Variants in ZFP91 observed in about 807,000 individuals in gnomAD.
ZFP91 encodes the protein E3 ubiquitin-protein ligase ZFP91.
Under a neutral mutation model 63.5 loss-of-function variants are expected in ZFP91, and 7 were observed. The observed-to-expected ratio is 0.11, with a 90% CI of 0.06 to 0.21. The LOEUF (loss-of-function observed/expected upper bound fraction) is 0.21, where lower values mean the gene tolerates loss of function less well. Ranked by LOEUF, ZFP91 falls within the 10% of genes least tolerant of loss-of-function variation. ZFP91 has a pLI of 1.00. For synonymous variants in ZFP91, 330 were observed against 272.1 expected (o/e 1.21, Z -2.10); for missense variants, 628 against 736.6 (o/e 0.85, Z 1.71).
chr11:58,593,765 A>C (rs543092537), intron 2 of ZFP91, among the ~76,000 whole-genome samples: 20 of 152,318 alleles, frequency 1.3e-4, no homozygotes, highest in South Asian at 4.1e-4. Flanking sequence ...TATTCTCTCT[A>C]GTGTCTCTTC....
chr11:58,608,955 T>G (rs1427485283), intron 2 of ZFP91, among the ~76,000 whole-genome samples: 1 of 152,206 alleles, frequency 6.6e-6, no homozygotes, highest in Non-Finnish European at 1.5e-5. Flanking sequence ...TGGTTGATTT[T>G]TGCCATGAGG....
At position 58,579,147 on chromosome 11, in the gene ZFP91, G is replaced by T. The variant is rs1855029367; in HGVS notation, c.-135G>T. ...GGCGCCCTCGGAGCCGGGCGGAGGGGAGGGGGGAAAGAGGAGCGCAGGGTG... is the reference window on the plus strand; with the variant it reads ...GGCGCCCTCGGAGCCGGGCGGAGGGTAGGGGGGAAAGAGGAGCGCAGGGTG... On this transcript the variant is annotated 5_prime_UTR_variant, in exon 1 of 11. Transcript: ENST00000316059. 1.4e-6 allele frequency: 1 copy of T among 704,534 alleles called. No homozygotes were observed. The highest frequency in any genetic ancestry group is 2.0e-6 in the Non-Finnish European group (1 of 492,418). 43.6% of individuals were successfully genotyped at this position (704,534 alleles called of 1,614,324 possible).
chr11:58,612,459 T>C, intron 7 of ZFP91, 131 bp downstream of exon 7: 1 of 794,226 alleles, frequency 1.3e-6, no homozygotes. Context: ...TTCACTAATG[T>C]CCTAGATGCA....
In ZFP91 at chr11:58,614,202, TCGCCCCTTTCAC is replaced by T. The variant is rs1590630221; in HGVS notation, c.988-26_988-15del. The T allele has an allele frequency of 6.8e-7, 1 of 1,477,242 alleles. No homozygotes were observed. The highest frequency in any genetic ancestry group is 9.2e-7 in the Non-Finnish European group (1 of 1,086,730). The allele number at this position is 1,477,242 out of a possible 1,614,324, so 91.5% of individuals were successfully genotyped here. ...TCAGGAAGCCTTAATTTTTTTTTTT[TCGCCCCTTTCAC>T]TTTCTCTGTTTTAGCACCACATTAA... On this transcript the variant is annotated splice_polypyrimidine_tract_variant and intron_variant, in intron 8 of 10. Coordinates refer to ENST00000316059, the MANE Select transcript of ZFP91 (RefSeq NM_053023.5).
intron 2 of ZFP91, among the ~76,000 whole-genome samples, chr11:58,596,252 A>G (rs939024424): frequency 6.6e-6 from 1 of 152,132 alleles, no homozygotes; most frequent in East Asian, 1.9e-4. Flanking sequence ...TGAGTAGGCT[A>G]AGGAGGAGGA....
chr11:58,611,123 A>C, intron 5 of ZFP91, 69 bp downstream of exon 5: 3 of 1,403,276 alleles, frequency 2.1e-6, no homozygotes, highest in Non-Finnish European at 3.0e-6. Flanking sequence ...GCATGCTTTT[A>C]TTTTATCTGT....
chr11:58,601,873 A>G (rs934258280), intron 2 of ZFP91, among the ~76,000 whole-genome samples: 5 of 152,166 alleles, frequency 3.3e-5, no homozygotes, highest in African/African-American at 1.2e-4. Flanking sequence ...AACGTACTTT[A>G]TATGACTGCA....
At chr11:58,612,438 A>C in intron 7 of ZFP91, 110 bp downstream of exon 7, 1 of 1,059,766 alleles carries the variant, frequency 9.4e-7, no homozygotes, top group Non-Finnish European at 1.4e-6. Context: ...TAAAAATTTC[A>C]CAAAAGCAAC....
In ZFP91 at chr11:58,621,134, G is replaced by A. The variant is rs1182332606; in HGVS notation, c.*3428G>A. On this transcript the variant is annotated 3_prime_UTR_variant, in exon 11 of 11. Coordinates refer to ENST00000316059, the MANE Select transcript of ZFP91 (RefSeq NM_053023.5). ...AGCAAACCAAATGCCCTCAGAACAG[G>A]TGTTATGTGGGGCATACTATTGTTT... 6.6e-6 allele frequency: 1 copy of A among 152,574 alleles called. No individual in the cohort carries two copies. The highest frequency in any genetic ancestry group is 1.5e-5 in the Non-Finnish European group (1 of 68,026). The allele number at this position is 152,574 out of a possible 1,614,324, so 9.5% of individuals were successfully genotyped here.
At chr11:58,581,370 T>G (rs972123825) in intron 1 of ZFP91, among the ~76,000 whole-genome samples, 1 of 152,230 alleles carries the variant, frequency 6.6e-6, no homozygotes, top group Admixed American at 6.5e-5. Flanking sequence ...TTTAATTTCT[T>G]TTTTTGGAGA....
At chr11:58,599,503 A>G (rs1414985886) in intron 2 of ZFP91, among the ~76,000 whole-genome samples, 1 of 151,620 alleles carries the variant, frequency 6.6e-6, no homozygotes, top group Non-Finnish European at 1.5e-5. Context: ...AACACTTCTT[A>G]TTTTCTTTTT....
At chr11:58,595,881 TA>T (rs1855389859) in intron 2 of ZFP91, among the ~76,000 whole-genome samples, 3 of 152,122 alleles carry the variant, frequency 2.0e-5, no homozygotes, top group African/African-American at 7.2e-5. Flanking sequence ...GGCCTAGCAT[TA>T]ATCTCTTATT....
At chr11:58,589,576 G>A (rs1038438854) in intron 2 of ZFP91, among the ~76,000 whole-genome samples, 1 of 152,166 alleles carries the variant, frequency 6.6e-6, no homozygotes, top group Admixed American at 6.5e-5. Context: ...GTTCAGTTAG[G>A]TTTCAGAAAC....
intron 10 of ZFP91, 88 bp downstream of exon 10, chr11:58,616,903 A>G (rs1250212209): frequency 4.2e-6 from 5 of 1,204,404 alleles, no homozygotes; most frequent in Non-Finnish European, 6.0e-6. Context: ...ATTAGTTGCC[A>G]CTGCTGTTTA....
chr11:58,586,021 G>T (rs1855202958), intron 2 of ZFP91, among the ~76,000 whole-genome samples: 1 of 151,598 alleles, frequency 6.6e-6, no homozygotes, highest in African/African-American at 2.4e-5. Flanking sequence ...AGAAACCTTG[G>T]CATGATTATT....
intron 2 of ZFP91, among the ~76,000 whole-genome samples, chr11:58,598,942 A>G (rs964526203): frequency 6.6e-6 from 1 of 152,078 alleles, no homozygotes; most frequent in Admixed American, 6.6e-5. Flanking sequence ...CCCTGTACCC[A>G]TTAAAAGCAG....
intron 2 of ZFP91, among the ~76,000 whole-genome samples, chr11:58,601,321 T>A (rs1855487088): frequency 6.6e-6 from 1 of 152,246 alleles, no homozygotes; most frequent in East Asian, 1.9e-4. Flanking sequence ...CTTGTTGAAT[T>A]GTTTTTGGTA....
rs1345424819 is a variant in ZFP91 at position 58,619,351 on chromosome 11, A to G, written c.*1645A>G. The G allele has an allele frequency of 2.0e-5, 3 of 152,130 alleles. No homozygotes were observed. The highest frequency in any genetic ancestry group is 7.2e-5 in the African/African-American group (3 of 41,412). 9.4% of individuals were successfully genotyped at this position (152,130 alleles called of 1,614,324 possible). A position where few individuals can be genotyped will look rare whatever the true frequency, so the allele number is the denominator to read the frequency against. Reference sequence around the variant, plus strand: ...CATACCGCCAGAAGCCCCAAATCCTATTTTGGCTCATCTTCAGGTAAAGAG... The same window carrying G: ...CATACCGCCAGAAGCCCCAAATCCTGTTTTGGCTCATCTTCAGGTAAAGAG... On this transcript the variant is annotated 3_prime_UTR_variant, in exon 11 of 11. Coordinates refer to ENST00000316059, the MANE Select transcript of ZFP91 (RefSeq NM_053023.5).
rs2134428917 is a variant in ZFP91 at position 58,618,694 on chromosome 11, A to G, written c.*988A>G. 1 of 456,948 alleles carries G rather than the reference A, an allele frequency of 2.2e-6. No individual in the cohort carries two copies. The highest frequency in any genetic ancestry group is 1.5e-5 in the South Asian group (1 of 64,548). The allele number at this position is 456,948 out of a possible 1,614,324, so 28.3% of individuals were successfully genotyped here. On this transcript the variant is annotated 3_prime_UTR_variant, in exon 11 of 11. Transcript: ENST00000316059. ...ACTTTGAAGGCAAGACATAGGGTTG[A>G]AGAAGCACAGCCAGCCTCTGAAATC... is the stretch of plus-strand genomic sequence containing the variant.
Sources: gnomAD v4.1 joint callset for allele counts (sites outside exome capture counted in the v4.1 genomes callset) on GRCh38, gnomAD v4.1.1 for gene constraint, MANE v1.5 for transcripts, NCBI Gene and HGNC (gene_info 2026-07-23, HGNC 2026-07-21) for gene names.